SEC16B: variants seen among roughly 807,000 people sequenced by gnomAD.
The protein encoded by SEC16B is protein transport protein Sec16B.
A neutral mutation model predicts 141.8 loss-of-function variants in SEC16B; 115 were observed. The observed-to-expected ratio is 0.81, with a 90% CI of 0.70 to 0.95. The LOEUF (loss-of-function observed/expected upper bound fraction) is 0.95, where lower values mean the gene tolerates loss of function less well. Among genes scored for constraint, SEC16B ranks in the 40% least tolerant of loss-of-function variants. The pLI is 0.00. For missense variants in SEC16B, 1,291 were observed against 1,312.3 expected, an observed-to-expected ratio of 0.98 and a Z score of 0.25; for synonymous variants, 493 against 492.5, an observed-to-expected ratio of 1.00 and a Z score of -0.01.
intron 25 of SEC16B, 132 bp from the exon 26 acceptor site, chr1:177,930,061 C>A: frequency 1.2e-6 from 1 of 810,196 alleles, no homozygotes; most frequent in East Asian, 2.7e-5. Context: ...GTTCTAATTG[C>A]GTACCTCCAC....
chr1:177,948,640 A>C (rs1239488600), intron 12 of SEC16B: 1 of 1,292,246 alleles, frequency 7.7e-7, no homozygotes, highest in Admixed American at 2.4e-5. Flanking sequence ...AGGCTGTCCT[A>C]CTAAATAAAG....
chr1:177,970,373 AAATGGG>A (rs1263394994), upstream of SEC16B, among the ~76,000 whole-genome samples: 1 of 152,204 alleles, frequency 6.6e-6, no homozygotes. Flanking sequence ...TTTTTCTTTA[AAATGGG>A]AATGGCAATG....
At chr1:177,958,818 C>G in intron 9 of SEC16B, 22 bp downstream of exon 9, 1 of 1,601,888 alleles carries the variant, frequency 6.2e-7, no homozygotes, top group South Asian at 1.1e-5. Context: ...TGCACCTGCT[C>G]TCCCACCAGA....
At chr1:177,939,574 G>T in intron 18 of SEC16B, 128 bp downstream of exon 18, 1 of 752,140 alleles carries the variant, frequency 1.3e-6, no homozygotes, top group Non-Finnish European at 2.3e-6. Context: ...GGACAACGGG[G>T]CGGACTTACA....
intron 20 of SEC16B, 142 bp downstream of exon 20, chr1:177,936,156 G>C: frequency 1.5e-6 from 1 of 684,838 alleles, no homozygotes; most frequent in Non-Finnish European, 2.6e-6. Flanking sequence ...AGTTGGAATA[G>C]GAAAAGGCAA....
At chr1:177,954,715 G>A (rs1480831813) in intron 10 of SEC16B, among the ~76,000 whole-genome samples, 1 of 152,088 alleles carries the variant, frequency 6.6e-6, no homozygotes. Flanking sequence ...TAGTACACTT[G>A]AAAATCACTA....
intron 8 of SEC16B, chr1:177,959,725 G>C (rs1360302930): frequency 6.5e-6 from 1 of 154,084 alleles, no homozygotes; most frequent in African/African-American, 2.4e-5. Context: ...CTAAGGTTCA[G>C]AGAGGGCTAA....
At chr1:177,948,634 T>C in intron 12 of SEC16B, 1 of 1,295,778 alleles carries the variant, frequency 7.7e-7, no homozygotes, top group Non-Finnish European at 1.0e-6. Flanking sequence ...TCCCTAAGGC[T>C]GTCCTACTAA....
chr1:177,940,385 G>A (rs543208975), intron 17 of SEC16B, among the ~76,000 whole-genome samples: 5 of 152,248 alleles, frequency 3.3e-5, no homozygotes, highest in Non-Finnish European at 5.9e-5. Flanking sequence ...TGTCACATGC[G>A]AACATAGGAA....
intron 13 of SEC16B, among the ~76,000 whole-genome samples, chr1:177,946,883 T>C (rs1651757740): frequency 6.6e-6 from 1 of 152,194 alleles, no homozygotes; most frequent in Admixed American, 6.5e-5. Flanking sequence ...AGGAGACTAC[T>C]GAGAGTGGTC....
intron 8 of SEC16B, chr1:177,959,383 C>T (rs1652888141): frequency 9.0e-6 from 2 of 221,020 alleles, no homozygotes; most frequent in Admixed American, 5.2e-5. Context: ...TACCTCCATA[C>T]AAAAAGGAAT....
chr1:177,948,651 G>A (rs1651928047), intron 12 of SEC16B: 1 of 1,281,602 alleles, frequency 7.8e-7, no homozygotes, highest in East Asian at 5.6e-5. Context: ...CTAAATAAAG[G>A]AGAATTTCAA....
intron 13 of SEC16B, 125 bp from the exon 14 acceptor site, chr1:177,946,656 C>G: frequency 1.5e-6 from 1 of 658,172 alleles, no homozygotes; most frequent in Non-Finnish European, 2.7e-6. Context: ...CCACATGGGA[C>G]TAAATGAATG....
chr1:177,948,710 A>T, intron 12 of SEC16B: 1 of 1,222,550 alleles, frequency 8.2e-7, no homozygotes, highest in Admixed American at 3.0e-5. Flanking sequence ...GAAACAACAC[A>T]GGCCCCAACT....
chr1:177,960,277 G>T, intron 8 of SEC16B, 65 bp downstream of exon 8: 2 of 1,050,170 alleles, frequency 1.9e-6, no homozygotes, highest in African/African-American at 1.6e-5. Flanking sequence ...CCAAAATGCT[G>T]ATCTGGGCAG....
chr1:177,981,892 T>C (rs778018691), intron 1 of SEC16B, among the ~76,000 whole-genome samples: 2 of 152,244 alleles, frequency 1.3e-5, no homozygotes, highest in Non-Finnish European at 2.9e-5. Flanking sequence ...CCTGAAGATT[T>C]GTATGTGCTT....
intron 12 of SEC16B, among the ~76,000 whole-genome samples, chr1:177,950,269 A>T (rs1428214562): frequency 6.6e-6 from 1 of 152,170 alleles, no homozygotes; most frequent in Non-Finnish European, 1.5e-5. Flanking sequence ...GATTGGACAG[A>T]CGTGCCTCCA....
chr1:177,963,040 G>A (rs904334695), intron 5 of SEC16B, among the ~76,000 whole-genome samples: 13 of 151,652 alleles, frequency 8.6e-5, no homozygotes, highest in Non-Finnish European at 1.5e-4. Context: ...CCAGGGAGGC[G>A]GAGGTTGCAG....
In SEC16B at chr1:177,958,850, C is replaced by A; in HGVS notation, c.1124G>T (p.Arg375Leu). The stretch of plus-strand genomic sequence containing the variant: ...CAGAACAGAACTTACCCCATTCTGG[C>A]GACAAAGGAGAACCAAGAGCTGCCA... ...LLWQLLVLLCRQNGSMVGSDI... is the reference protein window; with the variant it reads ...LLWQLLVLLCLQNGSMVGSDI... Residue 375 changes from arginine (R) to leucine (L), a missense_variant, in exon 9 of 26, where the codon CGC becomes CTC. By Grantham distance (102) the Arg-to-Leu change is moderately radical (BLOSUM62 -2). Transcript: ENST00000308284. 6.2e-7 allele frequency: 1 copy of A among 1,613,292 alleles called. No individual in the cohort carries two copies. Among genetic ancestry groups the A allele is most frequent in the South Asian group, 1.1e-5 (1 of 91,034 alleles).
Sources: allele counts gnomAD v4.1 joint callset (sites outside exome capture counted in the v4.1 genomes callset), GRCh38; gene constraint gnomAD v4.1.1; transcripts MANE v1.5; gene names NCBI Gene and HGNC (gene_info 2026-07-23, HGNC 2026-07-21).